Variants in SETBP1 observed in about 807,000 individuals in gnomAD.
SETBP1 encodes the protein SET-binding protein.
Under a neutral mutation model 101.0 loss-of-function variants are expected in SETBP1, and 9 were observed. The ratio of observed to expected loss-of-function variants is 0.09; its 90% CI spans 0.05 to 0.16. The LOEUF is 0.16. SETBP1 is among the 10% of genes least tolerant of loss of function. The probability of loss-of-function intolerance (pLI) is 1.00; values close to 1 mark genes in which losing one functional copy is unlikely to be tolerated. For synonymous variants in SETBP1, 818 were observed against 788.5 expected (o/e 1.04, Z -0.63); for missense variants, 1,858 against 2,033.8 (o/e 0.91, Z 1.66).
At chr18:44,933,922 C>T (rs1445158738) in intron 3 of SETBP1, among the ~76,000 whole-genome samples, 1 of 152,142 alleles carries the variant, frequency 6.6e-6, no homozygotes, top group East Asian at 1.9e-4. Context: ...CCCTGCCCTG[C>T]TCCATGGGCT....
At chr18:44,883,721 A>G (rs1349533118) in intron 3 of SETBP1, among the ~76,000 whole-genome samples, 1 of 152,228 alleles carries the variant, frequency 6.6e-6, no homozygotes, top group Non-Finnish European at 1.5e-5. Context: ...GAAATAGGCA[A>G]GGATAATTAA....
chr18:45,063,065 T>C lies in SETBP1; in HGVS notation c.4172-14T>C. 1 of 1,613,314 alleles carries C rather than the reference T, an allele frequency of 6.2e-7. No homozygotes were observed. On this transcript the variant is annotated splice_polypyrimidine_tract_variant and intron_variant, in intron 5 of 5. Transcript: ENST00000649279. Reference sequence around the variant, plus strand: ...CATCCTGTGCTCAATTTCTTATCTCTTCCCCTCCCGCAGTCGGCTCCTCCC... The same window carrying C: ...CATCCTGTGCTCAATTTCTTATCTCCTCCCCTCCCGCAGTCGGCTCCTCCC...
intron 2 of SETBP1, among the ~76,000 whole-genome samples, chr18:44,832,968 C>G (rs560160679): frequency 6.6e-6 from 1 of 152,222 alleles, no homozygotes. Flanking sequence ...TCACCCTAGA[C>G]CCATCACCTC....
At chr18:44,813,753 G>A (rs1297902259) in intron 2 of SETBP1, among the ~76,000 whole-genome samples, 2 of 152,208 alleles carry the variant, frequency 1.3e-5, no homozygotes, top group African/African-American at 4.8e-5. Context: ...AACGTGCCAA[G>A]CAGTGTCCTG....
In SETBP1 at chr18:44,714,008, C is replaced by T. The variant is rs17782376; in HGVS notation, c.486+12176C>T. On this transcript the variant is annotated intron_variant, in intron 2 of 5. Transcript: ENST00000649279. ...TCTCTAGATGGCTATCTGCCTTCTC[C>T]GAACCTGGTTTCTCATTTATATAAT... Among the ~76,000 whole-genome samples the T allele has an allele frequency of 7.2e-3, 1,093 of 152,202 alleles. 37 individuals carry two copies. Among genetic ancestry groups the T allele is most frequent in the Admixed American group, 0.055 (835 of 15,290 alleles).
intron 2 of SETBP1, among the ~76,000 whole-genome samples, chr18:44,743,117 C>A (rs930134596): frequency 6.6e-6 from 1 of 151,932 alleles, no homozygotes; most frequent in Non-Finnish European, 1.5e-5. Flanking sequence ...TGCTTCCCTG[C>A]CTTCCCTTCC....
chr18:44,972,284 C>T (rs1293253152), intron 4 of SETBP1, among the ~76,000 whole-genome samples: 5 of 151,884 alleles, frequency 3.3e-5, no homozygotes, highest in African/African-American at 4.8e-5. Context: ...TGTAGCCTTG[C>T]AGTATAGTTT....
At chr18:44,725,868 T>G (rs2069695237) in intron 2 of SETBP1, among the ~76,000 whole-genome samples, 1 of 152,148 alleles carries the variant, frequency 6.6e-6, no homozygotes, top group South Asian at 2.1e-4. Flanking sequence ...CTAAGGCAGT[T>G]TCAGTTTTAG....
chr18:44,729,883 A>G (rs2069797751), intron 2 of SETBP1, among the ~76,000 whole-genome samples: 1 of 152,222 alleles, frequency 6.6e-6, no homozygotes, highest in Non-Finnish European at 1.5e-5. Context: ...TATGTCACAC[A>G]GGCTTTTGCA....
At chr18:45,026,606 T>C (rs930647130) in intron 4 of SETBP1, among the ~76,000 whole-genome samples, 3 of 152,236 alleles carry the variant, frequency 2.0e-5, no homozygotes, top group Non-Finnish European at 4.4e-5. Flanking sequence ...CTTGGTACAT[T>C]GTACTACTAA....
intron 3 of SETBP1, among the ~76,000 whole-genome samples, chr18:44,897,029 C>T (rs972850488): frequency 1.3e-5 from 2 of 152,178 alleles, no homozygotes; most frequent in Non-Finnish European, 2.9e-5. Context: ...TTGACTCACT[C>T]CTGTTGAGAC....
chr18:44,784,877 A>G (rs930133753), intron 2 of SETBP1, among the ~76,000 whole-genome samples: 5 of 152,188 alleles, frequency 3.3e-5, no homozygotes, highest in African/African-American at 4.8e-5. Context: ...CAAAATGTAT[A>G]TGTATTTATA....
At chr18:45,060,379 T>A (rs893920560) in intron 5 of SETBP1, among the ~76,000 whole-genome samples, 2 of 151,996 alleles carry the variant, frequency 1.3e-5, no homozygotes, top group African/African-American at 4.8e-5. Flanking sequence ...TGTTCCTAGT[T>A]TCTTACATCA....
chr18:44,784,211 G>A (rs183469378), intron 2 of SETBP1, among the ~76,000 whole-genome samples: 1 of 152,238 alleles, frequency 6.6e-6, no homozygotes, highest in African/African-American at 2.4e-5. Flanking sequence ...AAAATAAGCA[G>A]GTTCTATTAA....
intron 3 of SETBP1, among the ~76,000 whole-genome samples, chr18:44,917,211 G>A (rs2070449411): frequency 6.6e-6 from 1 of 152,192 alleles, no homozygotes; most frequent in African/African-American, 2.4e-5. Context: ...TGTGAGACAG[G>A]TGAGCTGGAA....
intron 4 of SETBP1, among the ~76,000 whole-genome samples, chr18:45,003,241 T>G (rs1244448671): frequency 6.6e-6 from 1 of 152,230 alleles, no homozygotes; most frequent in Admixed American, 6.5e-5. Context: ...AGGGAATCTG[T>G]GTATTTTTTA....
At chr18:44,839,178 A>G (rs1190402511) in intron 2 of SETBP1, among the ~76,000 whole-genome samples, 1 of 152,186 alleles carries the variant, frequency 6.6e-6, no homozygotes, top group Non-Finnish European at 1.5e-5. Flanking sequence ...GGAGGGCCTG[A>G]AATGCTCAGC....
chr18:44,727,679 C>T (rs947878018), intron 2 of SETBP1, among the ~76,000 whole-genome samples: 7 of 152,206 alleles, frequency 4.6e-5, no homozygotes, highest in African/African-American at 1.7e-4. Flanking sequence ...ATCATAAAAT[C>T]AGATTCTCGA....
intron 4 of SETBP1, chr18:44,989,010 C>A (rs1333323058): frequency 6.6e-6 from 1 of 152,076 alleles, no homozygotes; most frequent in Admixed American, 6.5e-5. Context: ...ACTTAGTAAC[C>A]ATGACTCAAA....
Sources: gnomAD v4.1 joint callset for allele counts (sites outside exome capture counted in the v4.1 genomes callset) on GRCh38, gnomAD v4.1.1 for gene constraint, MANE v1.5 for transcripts, NCBI Gene and HGNC (gene_info 2026-07-23, HGNC 2026-07-21) for gene names.